Variants in HIP1 observed in about 807,000 individuals in gnomAD.
HIP1 encodes the protein huntingtin interacting protein 1.
In HIP1, 65 loss-of-function variants were observed where a neutral mutation model predicts 147.6. The observed-to-expected ratio is 0.44, with a 90% CI of 0.36 to 0.54. HIP1 has a LOEUF of 0.54. HIP1 is among the 20% of genes least tolerant of loss of function. The pLI is 0.00. For synonymous variants in HIP1, 479 were observed against 504.0 expected (o/e 0.95, Z 0.67); for missense variants, 1,061 against 1,299.6 (o/e 0.82, Z 2.82).
At chr7:75,544,833 G>A (rs993086307) in intron 26 of HIP1, 33 bp from the exon 27 acceptor site, 15 of 1,356,860 alleles carry the variant, frequency 1.1e-5, no homozygotes, top group East Asian at 2.3e-5. Context: ...ACTAGGTTAC[G>A]GGCAAATGAG....
At chr7:75,654,208 A>G (rs1554512337) in intron 1 of HIP1, among the ~76,000 whole-genome samples, 9 of 152,192 alleles carry the variant, frequency 5.9e-5, no homozygotes. Context: ...CAGCCTGGTC[A>G]ACATGATGAA....
chr7:75,639,854 T>C (rs1798590106), intron 1 of HIP1, among the ~76,000 whole-genome samples: 1 of 151,968 alleles, frequency 6.6e-6, no homozygotes, highest in African/African-American at 2.4e-5. Flanking sequence ...GACTGGGGTC[T>C]CCAAACAGAT....
chr7:75,583,913 C>G (rs1460508986), intron 5 of HIP1, among the ~76,000 whole-genome samples: 1 of 151,136 alleles, frequency 6.6e-6, no homozygotes, highest in Non-Finnish European at 1.5e-5. Context: ...CAGGTGTGAG[C>G]CACCACGCCC....
At chr7:75,548,434 G>A (rs1484581531) in intron 23 of HIP1, among the ~76,000 whole-genome samples, 1 of 151,402 alleles carries the variant, frequency 6.6e-6, no homozygotes, top group Admixed American at 6.6e-5. Context: ...CTATCACTCA[G>A]AAAAACTAGC....
chr7:75,590,920 T>C (rs1406408711), intron 4 of HIP1, among the ~76,000 whole-genome samples: 2 of 152,150 alleles, frequency 1.3e-5, no homozygotes, highest in Non-Finnish European at 2.9e-5. Flanking sequence ...TAGGACTACA[T>C]AGTTGCCAAC....
In HIP1 at chr7:75,732,747, A is replaced by C. The variant is rs561367354; in HGVS notation, c.120+6054T>G. Reference sequence around the variant, plus strand: ...TCTGTGTCTTTTCCTCTAATCCCAGAACTCACCTACTACAGAGCACTGTTG... The same window carrying C: ...TCTGTGTCTTTTCCTCTAATCCCAGCACTCACCTACTACAGAGCACTGTTG... On this transcript the variant is annotated intron_variant, in intron 1 of 30. Coordinates refer to ENST00000336926, the MANE Select transcript of HIP1 (RefSeq NM_005338.7). 2.6e-5 allele frequency among the ~76,000 whole-genome samples: 4 copies of C among 152,212 alleles called. No homozygotes were observed. The South Asian group carries it at 8.3e-4, about 32-fold the overall frequency.
intron 4 of HIP1, 115 bp from the exon 5 acceptor site, chr7:75,586,948 T>G: frequency 1.4e-6 from 1 of 719,350 alleles, no homozygotes; most frequent in Non-Finnish European, 2.5e-6. Flanking sequence ...CCCCTTTATT[T>G]TATTTATTTA....
At chr7:75,643,387 T>C (rs193241060) in intron 1 of HIP1, among the ~76,000 whole-genome samples, 1 of 152,086 alleles carries the variant, frequency 6.6e-6, no homozygotes, top group African/African-American at 2.4e-5. Flanking sequence ...ATCCCAGCAC[T>C]TTAGGAGGCC....
intron 1 of HIP1, among the ~76,000 whole-genome samples, chr7:75,641,903 G>T (rs572427438): frequency 1.3e-5 from 2 of 152,208 alleles, no homozygotes; most frequent in East Asian, 1.9e-4. Context: ...AACAATCCCC[G>T]CTCCCACTCC....
intron 1 of HIP1, among the ~76,000 whole-genome samples, chr7:75,600,133 C>T (rs587750364): frequency 9.0e-4 from 133 of 148,350 alleles, no homozygotes; most frequent in Non-Finnish European, 3.4e-4. Flanking sequence ...CTCTTTTGAG[C>T]GGAGTCTTAC....
chr7:75,627,107 G>A (rs1185470534), intron 1 of HIP1: 2 of 152,144 alleles, frequency 1.3e-5, no homozygotes, highest in Non-Finnish European at 2.9e-5. Context: ...TGTACTCAGT[G>A]TGCAGGAGCC....
chr7:75,599,307 C>G (rs1410420500), intron 1 of HIP1, 60 bp from the exon 2 acceptor site: 2 of 1,323,666 alleles, frequency 1.5e-6, no homozygotes, highest in African/African-American at 1.4e-5. Context: ...CTGAGAGTGG[C>G]TGAGACCCTC....
chr7:75,679,991 C>T (rs942191790), intron 1 of HIP1, among the ~76,000 whole-genome samples: 6 of 152,206 alleles, frequency 3.9e-5, no homozygotes, highest in Admixed American at 3.9e-4. Context: ...CTCCCTCTCA[C>T]ATCTCCTCAA....
intron 1 of HIP1, among the ~76,000 whole-genome samples, chr7:75,623,314 G>C (rs1190006374): frequency 6.6e-6 from 1 of 151,996 alleles, no homozygotes; most frequent in African/African-American, 2.4e-5. Context: ...GGTTTCTGCT[G>C]TGAAGAGGGA....
At chr7:75,695,709 A>G (rs1800613476) in intron 1 of HIP1, among the ~76,000 whole-genome samples, 1 of 151,862 alleles carries the variant, frequency 6.6e-6, no homozygotes, top group South Asian at 2.1e-4. Flanking sequence ...CAAGTAGCTC[A>G]GATTACAGGC....
chr7:75,595,257 TTCCTTCCTTCCTTC>T (rs1563230454), intron 2 of HIP1, among the ~76,000 whole-genome samples: 10 of 119,668 alleles, frequency 8.4e-5, no homozygotes, highest in Admixed American at 2.5e-4. Flanking sequence ...TCTTTCTTCC[TTCCTTCCTTCCTTC>T]CTTCCTTCCT....
chr7:75,583,015 A>C (rs1425952427), intron 5 of HIP1, among the ~76,000 whole-genome samples: 3 of 151,908 alleles, frequency 2.0e-5, no homozygotes, highest in African/African-American at 7.3e-5. Flanking sequence ...CACCTAAAAC[A>C]TCCCTGCCCA....
chr7:75,591,127 G>C (rs1796488080), intron 4 of HIP1, among the ~76,000 whole-genome samples: 1 of 151,678 alleles, frequency 6.6e-6, no homozygotes, highest in South Asian at 2.1e-4. Flanking sequence ...TCGCCTCCTA[G>C]GTTCAAGCGA....
chr7:75,699,504 C>T (rs537137470), intron 1 of HIP1, among the ~76,000 whole-genome samples: 10 of 152,260 alleles, frequency 6.6e-5, no homozygotes, highest in African/African-American at 1.4e-4. Context: ...GGGATGGTGA[C>T]GTCTGTGGGG....
Sources: allele counts gnomAD v4.1 joint callset (sites outside exome capture counted in the v4.1 genomes callset), GRCh38; gene constraint gnomAD v4.1.1; transcripts MANE v1.5; gene names NCBI Gene and HGNC (gene_info 2026-07-23, HGNC 2026-07-21).